SLC35F3: variants seen among roughly 807,000 people sequenced by gnomAD.
SLC35F3 encodes putative thiamine transporter SLC35F3.
SLC35F3 carries 25 observed loss-of-function variants against 49.9 expected under a neutral mutation model. That is an observed-to-expected ratio of 0.50 (90% confidence interval 0.37 to 0.70). The LOEUF is 0.70. SLC35F3 is among the 30% of genes least tolerant of loss of function. The pLI is 0.00. For synonymous variants in SLC35F3, 275 were observed against 265.4 expected (o/e 1.04, Z -0.35); for missense variants, 525 against 639.8 (o/e 0.82, Z 1.94).
intron 3 of SLC35F3, among the ~76,000 whole-genome samples, chr1:234,266,881 T>G (rs994969075): frequency 2.7e-5 from 4 of 148,074 alleles, no homozygotes; most frequent in Admixed American, 1.3e-4. Context: ...TGGTTTTTTT[T>G]TTTTTTTTTT....
chr1:234,159,306 C>T (rs561399413), intron 2 of SLC35F3, among the ~76,000 whole-genome samples: 148 of 152,190 alleles, frequency 9.7e-4, no homozygotes, highest in African/African-American at 3.2e-3. Flanking sequence ...AGGCTGGGCA[C>T]GGTGGTTCAC....
intron 2 of SLC35F3, among the ~76,000 whole-genome samples, chr1:234,014,105 A>T (rs1193543735): frequency 1.3e-5 from 2 of 152,182 alleles, no homozygotes; most frequent in South Asian, 4.1e-4. Context: ...AAATACCAGC[A>T]AACAATTCAA....
In SLC35F3 at chr1:234,231,403, C is replaced by T. The variant is rs1212675939; in HGVS notation, c.284-14C>T. 1.3e-6 allele frequency: 2 copies of T among 1,514,140 alleles called. No homozygotes were observed. The highest frequency in any genetic ancestry group is 2.8e-5 in the African/African-American group (2 of 72,242). The allele number at this position is 1,514,140 out of a possible 1,614,324, so 93.8% of individuals were successfully genotyped here. ...GTCTGCAGGCCCCGCTAACCACGCC[C>T]TTCTCTTCCCCAGGGGAGGAGCGCC... On this transcript the variant is annotated splice_polypyrimidine_tract_variant and intron_variant, in intron 2 of 7. Coordinates refer to ENST00000366618, the MANE Select transcript of SLC35F3 (RefSeq NM_173508.4). This position sits in a 1 kb window ranked among gnomAD's most constrained non-coding sequence, Gnocchi z 5.4.
rs1235932063 is a variant in SLC35F3, at chr1:234,039,252, G to A, written c.283+133494G>A. Among the ~76,000 whole-genome samples the A allele has an allele frequency of 4.6e-5, 7 of 152,188 alleles. No individual in the cohort carries two copies. The East Asian group carries it at 1.3e-3, about 29-fold the overall frequency. ...AGGGGGACTGAAAGGAGCATACAGT[G>A]ATAGAAAGAAAATCCAGACAGGAGA... On this transcript the variant is annotated intron_variant, in intron 2 of 7. Coordinates refer to ENST00000366618, the MANE Select transcript of SLC35F3 (RefSeq NM_173508.4).
At chr1:234,153,592 A>G (rs930149654) in intron 2 of SLC35F3, among the ~76,000 whole-genome samples, 1 of 152,250 alleles carries the variant, frequency 6.6e-6, no homozygotes, top group African/African-American at 2.4e-5. Flanking sequence ...ATGAGCAATT[A>G]TGATATACTG....
At chr1:234,039,759 C>T (rs935285266) in intron 2 of SLC35F3, among the ~76,000 whole-genome samples, 1 of 152,226 alleles carries the variant, frequency 6.6e-6, no homozygotes, top group African/African-American at 2.4e-5. Flanking sequence ...AGAGGGACTA[C>T]AGGAACCAGC....
intron 2 of SLC35F3, among the ~76,000 whole-genome samples, chr1:234,144,358 C>G (rs1665965896): frequency 6.6e-6 from 1 of 152,150 alleles, no homozygotes; most frequent in Non-Finnish European, 1.5e-5. Flanking sequence ...GGGAACATCT[C>G]TAAAGCCACT....
At chr1:234,280,682 AG>A (rs1439572983) in intron 3 of SLC35F3, among the ~76,000 whole-genome samples, 4 of 152,360 alleles carry the variant, frequency 2.6e-5, no homozygotes, top group Non-Finnish European at 5.9e-5. Context: ...CACATTTCTC[AG>A]CACTCACCAC....
chr1:234,115,998 G>C lies in SLC35F3; in HGVS notation c.284-115419G>C, dbSNP rs189230825. Reference sequence around the variant, plus strand: ...GGGGAAAGAGGAAGAAAGAAAAGGGGGAGATGGTAGATAAAAGGGGCAAGC... The same window carrying C: ...GGGGAAAGAGGAAGAAAGAAAAGGGCGAGATGGTAGATAAAAGGGGCAAGC... On this transcript the variant is annotated intron_variant, in intron 2 of 7. Coordinates refer to ENST00000366618, the MANE Select transcript of SLC35F3 (RefSeq NM_173508.4). Among the ~76,000 whole-genome samples the C allele has an allele frequency of 2.6e-5, 4 of 152,230 alleles. No homozygotes were observed. The East Asian group carries it at 7.7e-4, about 29-fold the overall frequency.
At chr1:234,003,653 C>T (rs1189750071) in intron 2 of SLC35F3, among the ~76,000 whole-genome samples, 1 of 152,100 alleles carries the variant, frequency 6.6e-6, no homozygotes, top group East Asian at 1.9e-4. Context: ...TTGTTAAATC[C>T]AACTACATTA....
chr1:234,023,925 A>G (rs1663937926), intron 2 of SLC35F3, among the ~76,000 whole-genome samples: 1 of 152,162 alleles, frequency 6.6e-6, no homozygotes, highest in Non-Finnish European at 1.5e-5. Flanking sequence ...AATCTGAGAA[A>G]CTGTCTCAGC....
chr1:234,090,579 A>T (rs1309240922), intron 2 of SLC35F3, among the ~76,000 whole-genome samples: 1 of 152,196 alleles, frequency 6.6e-6, no homozygotes, highest in Non-Finnish European at 1.5e-5. Context: ...ACGAAAGGTG[A>T]GGTAATCAGG....
At chr1:233,952,109 T>A (rs1662616900) in intron 2 of SLC35F3, among the ~76,000 whole-genome samples, 1 of 152,154 alleles carries the variant, frequency 6.6e-6, no homozygotes, top group Admixed American at 6.5e-5. Flanking sequence ...CTTCCTTCTG[T>A]TCTTACAATT....
chr1:234,311,265 GC>G (rs1216403698), intron 4 of SLC35F3, among the ~76,000 whole-genome samples: 1 of 152,212 alleles, frequency 6.6e-6, no homozygotes, highest in East Asian at 1.9e-4. Context: ...ATGAGACACT[GC>G]CATGTGCCAA....
intron 2 of SLC35F3, among the ~76,000 whole-genome samples, chr1:234,039,608 G>A (rs1664191747): frequency 6.6e-6 from 1 of 152,318 alleles, no homozygotes; most frequent in Non-Finnish European, 1.5e-5. Flanking sequence ...TCACGGAGCT[G>A]TGTTTCATCC....
At chr1:234,062,273 T>C (rs1161667478) in intron 2 of SLC35F3, among the ~76,000 whole-genome samples, 3 of 152,232 alleles carry the variant, frequency 2.0e-5, no homozygotes, top group Non-Finnish European at 4.4e-5. Context: ...GCCTTGGGTA[T>C]ACCCTGAGTC....
intron 3 of SLC35F3, among the ~76,000 whole-genome samples, chr1:234,266,897 T>TA (rs1553259706): frequency 6.1e-5 from 9 of 146,850 alleles, no homozygotes; most frequent in South Asian, 2.2e-4. Context: ...TTTTTTTTTT[T>TA]ATTGATCATT....
rs908888362 is a variant in SLC35F3, at chr1:234,320,454, T to C, written c.1237+267T>C. Among the ~76,000 whole-genome samples, 1 of 152,194 alleles carries C rather than the reference T, an allele frequency of 6.6e-6. No individual in the cohort carries two copies. The highest frequency in any genetic ancestry group is 1.5e-5 in the Non-Finnish European group (1 of 68,040). On this transcript the variant is annotated intron_variant, in intron 7 of 7. Coordinates refer to ENST00000366618, the MANE Select transcript of SLC35F3 (RefSeq NM_173508.4). This position sits in a 1 kb window ranked among gnomAD's most constrained non-coding sequence, Gnocchi z 4.8. ...TATTAGTTATATATGCAATATTTTCTCCATAATGGGCTGATTTTCACATAC... is the reference window on the plus strand; with the variant it reads ...TATTAGTTATATATGCAATATTTTCCCCATAATGGGCTGATTTTCACATAC...
intron 1 of SLC35F3, 91 bp downstream of exon 1, chr1:233,905,221 C>T (rs1199282086): frequency 7.1e-7 from 1 of 1,411,084 alleles, no homozygotes; most frequent in African/African-American, 1.4e-5. Context: ...ACTGGGCAGT[C>T]TGAGGCTCGG....
Sources: gnomAD v4.1 joint callset for allele counts (sites outside exome capture counted in the v4.1 genomes callset) on GRCh38, gnomAD v4.1.1 for gene constraint, Gnocchi (gnomAD v3.1) non-coding constraint, MANE v1.5 for transcripts, NCBI Gene and HGNC (gene_info 2026-07-23, HGNC 2026-07-21) for gene names.